The following THSD7B variants were observed in gnomAD, a reference collection of about 807,000 sequenced individuals.
The protein encoded by THSD7B is thrombospondin type 1 domain containing 7B, also known as thrombospondin type-1 domain-containing protein 7B.
A neutral mutation model predicts 213.6 loss-of-function variants in THSD7B; 138 were observed. That is an observed-to-expected ratio of 0.65 (90% CI 0.56 to 0.74). THSD7B has a LOEUF of 0.74. THSD7B is among the 30% of genes least tolerant of loss of function. The probability of loss-of-function intolerance (pLI) is 0.00; values close to 1 mark genes in which losing one functional copy is unlikely to be tolerated. For synonymous variants in THSD7B, 742 were observed against 687.0 expected, an observed-to-expected ratio of 1.08 and a Z score of -1.25; for missense variants, 1,931 against 1,991.5, an observed-to-expected ratio of 0.97 and a Z score of 0.58.
chr2:136,932,521 C>T (rs1023781638), intron 2 of THSD7B, among the ~76,000 whole-genome samples: 1 of 123,670 alleles, frequency 8.1e-6, no homozygotes, highest in Non-Finnish European at 1.9e-5. Flanking sequence ...ATAACATAAA[C>T]AGTTGATTAA....
At chr2:137,215,945 T>A (rs1197134185) in intron 7 of THSD7B, among the ~76,000 whole-genome samples, 1 of 152,164 alleles carries the variant, frequency 6.6e-6, no homozygotes, top group Non-Finnish European at 1.5e-5. Flanking sequence ...TGTCAATGTT[T>A]CAATATTTTA....
chr2:136,861,570 GAAT>G (rs1166119380), intron 1 of THSD7B, among the ~76,000 whole-genome samples: 1 of 152,212 alleles, frequency 6.6e-6, no homozygotes, highest in African/African-American at 2.4e-5. Context: ...GTTTTCCCAT[GAAT>G]CTGGTTTGCT....
chr2:136,947,188 G>A lies in THSD7B; in HGVS notation c.139+64871G>A, dbSNP rs577709253. Reference sequence around the variant, plus strand: ...AGAAAGTCTTTCTTCTACCAGGGAAGGTATTTGAAGCTTTTTTGCTTCCTG... The same window carrying A: ...AGAAAGTCTTTCTTCTACCAGGGAAAGTATTTGAAGCTTTTTTGCTTCCTG... On this transcript the variant is annotated intron_variant, in intron 2 of 27. Transcript: ENST00000409968. Among the ~76,000 whole-genome samples the A allele has an allele frequency of 2.6e-4, 40 of 152,244 alleles. 1 individual carries two copies. The highest frequency in any genetic ancestry group is 2.0e-3 in the Admixed American group (30 of 15,284).
At chr2:137,643,490 C>T (rs565416914) in intron 21 of THSD7B, among the ~76,000 whole-genome samples, 29 of 152,220 alleles carry the variant, frequency 1.9e-4, no homozygotes, top group African/African-American at 5.1e-4. Flanking sequence ...AATAAAAATG[C>T]GTGGTACATT....
At position 137,233,204 on chromosome 2, in the gene THSD7B, A is replaced by G. The variant is rs970171412; in HGVS notation, c.2150+71A>G. On this transcript the variant is annotated intron_variant, in intron 9 of 27. Coordinates refer to ENST00000409968, the MANE Select transcript of THSD7B (RefSeq NM_001316349.2). The stretch of plus-strand genomic sequence containing the variant: ...TGAGTATTTTTAGTTGAAAGCATTT[A>G]TCAAGCAATAGATATTTCTGGGTCT... 4 of 1,371,152 alleles carry G rather than the reference A, an allele frequency of 2.9e-6. No homozygotes were observed. In the African/African-American group the frequency reaches 5.8e-5, roughly 20 times the overall value. The allele number at this position is 1,371,152 out of a possible 1,614,324, so 84.9% of individuals were successfully genotyped here.
chr2:137,019,575 G>A lies in THSD7B; in HGVS notation c.140-36845G>A, dbSNP rs889762412. ...ATATGTCATCTCACATTTCCATATC[G>A]CCAGCCTATCCTTTGCCAGGCTCTT... On this transcript the variant is annotated intron_variant, in intron 2 of 27. Transcript: ENST00000409968. Among the ~76,000 whole-genome samples, 12 of 152,100 alleles carry A rather than the reference G, an allele frequency of 7.9e-5. No homozygotes were observed. In the East Asian group the frequency reaches 1.9e-3, roughly 24 times the overall value.
chr2:137,504,492 C>T (rs954034201), intron 15 of THSD7B, among the ~76,000 whole-genome samples: 2 of 152,068 alleles, frequency 1.3e-5, no homozygotes, highest in Non-Finnish European at 2.9e-5. Flanking sequence ...TGAGGATGTC[C>T]AAAATAGCAG....
intron 2 of THSD7B, among the ~76,000 whole-genome samples, chr2:137,011,758 T>A (rs1253581979): frequency 6.6e-6 from 1 of 152,190 alleles, no homozygotes; most frequent in African/African-American, 2.4e-5. Context: ...TAGAGCCACA[T>A]CTACCGCATA....
chr2:136,892,704 A>G (rs531309361), intron 2 of THSD7B, among the ~76,000 whole-genome samples: 1 of 151,658 alleles, frequency 6.6e-6, no homozygotes, highest in African/African-American at 2.4e-5. Flanking sequence ...GGACAGAGGA[A>G]AGGATCTGGG....
intron 15 of THSD7B, among the ~76,000 whole-genome samples, chr2:137,516,614 T>A (rs1168858502): frequency 6.6e-6 from 1 of 152,114 alleles, no homozygotes; most frequent in Non-Finnish European, 1.5e-5. Context: ...GTCAGGTAAT[T>A]TATGGAGTTT....
At chr2:137,272,498 G>C in intron 10 of THSD7B, 35 bp from the exon 11 acceptor site, 1 of 1,571,524 alleles carries the variant, frequency 6.4e-7, no homozygotes, top group Non-Finnish European at 8.6e-7. Context: ...CAACATAAAA[G>C]GGCACTATAT....
intron 25 of THSD7B, among the ~76,000 whole-genome samples, chr2:137,660,103 T>G (rs890652919): frequency 6.6e-6 from 1 of 152,250 alleles, no homozygotes; most frequent in Non-Finnish European, 1.5e-5. Flanking sequence ...AAAGTTATTA[T>G]GCAAATTGTA....
intron 4 of THSD7B, among the ~76,000 whole-genome samples, chr2:137,099,056 T>C (rs147482772): frequency 9.8e-5 from 15 of 152,292 alleles, no homozygotes; most frequent in Admixed American, 3.9e-4. Context: ...CTATTTGTAA[T>C]TTTATGGACC....
At chr2:137,129,451 T>C (rs547649571) in intron 5 of THSD7B, among the ~76,000 whole-genome samples, 1 of 152,132 alleles carries the variant, frequency 6.6e-6, no homozygotes, top group African/African-American at 2.4e-5. Context: ...ATTACTTTTT[T>C]TTTTTTAAGA....
chr2:137,571,279 A>T (rs1450435143), intron 16 of THSD7B, among the ~76,000 whole-genome samples: 1 of 152,152 alleles, frequency 6.6e-6, no homozygotes, highest in Non-Finnish European at 1.5e-5. Flanking sequence ...ATATTCTTTC[A>T]TTCATTCTCA....
intron 15 of THSD7B, among the ~76,000 whole-genome samples, chr2:137,472,980 G>A (rs1558807961): frequency 6.6e-6 from 1 of 151,796 alleles, no homozygotes; most frequent in African/African-American, 2.4e-5. Context: ...TATTTTAAAA[G>A]TTTTTATGTA....
intron 14 of THSD7B, among the ~76,000 whole-genome samples, chr2:137,443,643 AAC>A (rs1687466825): frequency 6.6e-6 from 1 of 152,074 alleles, no homozygotes; most frequent in South Asian, 2.1e-4. Context: ...GAACTATCTC[AAC>A]CAAGTCTGAG....
At chr2:137,230,961 G>T (rs1385288616) in intron 7 of THSD7B, 83 bp from the exon 8 acceptor site, 7 of 1,276,258 alleles carry the variant, frequency 5.5e-6, no homozygotes, top group African/African-American at 1.5e-5. Flanking sequence ...TTTTGGGGGG[G>T]TACTTTAAAC....
chr2:137,140,745 C>A (rs2104963719), intron 5 of THSD7B, among the ~76,000 whole-genome samples: 1 of 151,976 alleles, frequency 6.6e-6, no homozygotes, highest in Non-Finnish European at 1.5e-5. Context: ...TGGAATATAG[C>A]AATAAACAAA....
Sources: gnomAD v4.1 joint callset for allele counts (sites outside exome capture counted in the v4.1 genomes callset) on GRCh38, gnomAD v4.1.1 for gene constraint, MANE v1.5 for transcripts, NCBI Gene and HGNC (gene_info 2026-07-23, HGNC 2026-07-21) for gene names.